Variants in TENM2 observed in about 807,000 individuals in gnomAD.
TENM2 encodes the protein teneurin-2.
A neutral mutation model predicts 245.2 loss-of-function variants in TENM2; 52 were observed. The observed-to-expected ratio is 0.21, with a 90% CI of 0.17 to 0.27. The LOEUF (loss-of-function observed/expected upper bound fraction) is 0.27. Ranked by LOEUF, TENM2 falls within the 10% of genes least tolerant of loss-of-function variation. The probability of loss-of-function intolerance (pLI) is 1.00; values close to 1 mark genes in which losing one functional copy is unlikely to be tolerated. For synonymous variants in TENM2, 1,363 were observed against 1,438.9 expected, an observed-to-expected ratio of 0.95 and a Z score of 1.19; for missense variants, 3,046 against 3,666.8, an observed-to-expected ratio of 0.83 and a Z score of 4.37.
chr5:167,731,266 C>T (rs1271481653), intron 2 of TENM2, among the ~76,000 whole-genome samples: 4 of 148,826 alleles, frequency 2.7e-5, no homozygotes, highest in Admixed American at 6.8e-5. Flanking sequence ...GCGTTTTGAG[C>T]GAGATGGAAG....
intron 2 of TENM2, among the ~76,000 whole-genome samples, chr5:167,527,026 T>C (rs1335195526): frequency 6.6e-6 from 1 of 152,000 alleles, no homozygotes; most frequent in Admixed American, 6.6e-5. Context: ...AAGAATGAAC[T>C]CTCTGGACTA....
In TENM2 at chr5:167,772,621, A is replaced by C. The variant is rs544272430; in HGVS notation, c.503-103365A>C. 1.0e-4 allele frequency among the ~76,000 whole-genome samples: 15 copies of C among 143,910 alleles called. 1 individual carries two copies. The East Asian group carries it at 2.0e-3, about 19-fold the overall frequency. The allele number at this position is 143,910 out of a possible 152,430, so 94.4% of individuals were successfully genotyped here. Reference sequence around the variant, plus strand: ...GAATAAAACACTTACCAAGTATCAGACCCACTTTTTTTTTTTTGCAGTTTA... The same window carrying C: ...GAATAAAACACTTACCAAGTATCAGCCCCACTTTTTTTTTTTTGCAGTTTA... On this transcript the variant is annotated intron_variant, in intron 2 of 28. Transcript: ENST00000518659.
Position 167,927,550 on chromosome 5 carries a change from C to T in TENM2, c.713-25038C>T, listed in dbSNP as rs1288917730. Among the ~76,000 whole-genome samples, 4 of 152,268 alleles carry T rather than the reference C, an allele frequency of 2.6e-5. No homozygotes were observed. In the South Asian group the frequency reaches 6.2e-4, roughly 24 times the overall value. The stretch of plus-strand genomic sequence containing the variant: ...AATCAATCCTTATTTTTATGCCAAT[C>T]CATACAGAAGGCTTCCTTGTGTGTG... On this transcript the variant is annotated intron_variant, in intron 3 of 28. Transcript: ENST00000518659.
intron 2 of TENM2, among the ~76,000 whole-genome samples, chr5:167,494,232 G>C (rs1339776547): frequency 6.6e-6 from 1 of 152,006 alleles, no homozygotes; most frequent in Non-Finnish European, 1.5e-5. Context: ...ATGGAAGACA[G>C]CAACAATAGT....
intron 2 of TENM2, among the ~76,000 whole-genome samples, chr5:167,716,136 A>T (rs1759239352): frequency 2.0e-5 from 3 of 152,080 alleles, no homozygotes; most frequent in Admixed American, 2.0e-4. Context: ...GCCCACATTA[A>T]CTCTGGAGTG....
chr5:167,231,041 G>T, the TENM2 span, among the ~76,000 whole-genome samples: 1 of 152,122 alleles, frequency 6.6e-6, no homozygotes, highest in Non-Finnish European at 1.5e-5. Flanking sequence ...CTCTCCTGCT[G>T]CCCATGAAGA....
chr5:168,058,439 C>T (rs1448487809), intron 6 of TENM2, among the ~76,000 whole-genome samples: 1 of 152,132 alleles, frequency 6.6e-6, no homozygotes, highest in Non-Finnish European at 1.5e-5. Flanking sequence ...AAGTACAATA[C>T]CTAACAACAT....
At chr5:168,107,945 G>C (rs1263035357) in intron 9 of TENM2, among the ~76,000 whole-genome samples, 1 of 152,204 alleles carries the variant, frequency 6.6e-6, no homozygotes, top group Non-Finnish European at 1.5e-5. Context: ...TATCCAGGTG[G>C]TTCTCCTGCT....
rs189756215 is a variant in TENM2, at chr5:168,096,382, G to A, written c.1712-1644G>A. Among the ~76,000 whole-genome samples, 11 of 152,278 alleles carry A rather than the reference G, an allele frequency of 7.2e-5. No individual in the cohort carries two copies. In the East Asian group the frequency reaches 1.7e-3, roughly 24 times the overall value. On this transcript the variant is annotated intron_variant, in intron 8 of 28. Coordinates refer to ENST00000518659, the Ensembl canonical transcript of TENM2. ...GTAGCCACCTGGATGCTTCTCAGCC[G>A]ACATTTACACAGCCAACCTCAAGGA... is the stretch of plus-strand genomic sequence containing the variant.
At chr5:167,539,902 A>G (rs1234027398) in intron 2 of TENM2, among the ~76,000 whole-genome samples, 1 of 152,180 alleles carries the variant, frequency 6.6e-6, no homozygotes, top group East Asian at 1.9e-4. Context: ...TTTCAGCTTC[A>G]AAATGTTTTT....
At chr5:167,807,124 T>TAAAAAAAAAAAAAAAAAAAAAAAAAA (rs1178739925) in intron 2 of TENM2, among the ~76,000 whole-genome samples, 3 of 49,080 alleles carry the variant, frequency 6.1e-5, no homozygotes, top group African/African-American at 1.7e-4. Flanking sequence ...GCCCCTAGGT[T>TAAAAAAAAAAAAAAAAAAAAAAAAAA]AAAAAAAAAA....
At chr5:167,026,896 T>C in the TENM2 span, among the ~76,000 whole-genome samples, 1 of 152,160 alleles carries the variant, frequency 6.6e-6, no homozygotes, top group South Asian at 2.1e-4. Context: ...AATGAGCTAC[T>C]TGAAGCAGAA....
At chr5:167,587,838 C>T (rs751526931) in intron 2 of TENM2, among the ~76,000 whole-genome samples, 3 of 152,140 alleles carry the variant, frequency 2.0e-5, no homozygotes, top group Non-Finnish European at 4.4e-5. Flanking sequence ...AACTATTTTC[C>T]CTTTTTATAT....
In TENM2 at chr5:167,394,663, G is replaced by A. The variant is rs116140153; in HGVS notation, c.502+19190G>A. ...GGCTGGAGCGCAGTGGTGTGATCTC[G>A]GCTTAGGAGGCAACCTCTACCTCCT... On this transcript the variant is annotated intron_variant, in intron 2 of 28. Coordinates refer to ENST00000518659, the Ensembl canonical transcript of TENM2. Among the ~76,000 whole-genome samples, 853 of 151,860 alleles carry A rather than the reference G, an allele frequency of 5.6e-3. 10 individuals carry two copies. The highest frequency in any genetic ancestry group is 0.02 in the African/African-American group (812 of 41,456).
At chr5:167,624,185 C>A (rs1007155168) in intron 2 of TENM2, among the ~76,000 whole-genome samples, 1 of 152,058 alleles carries the variant, frequency 6.6e-6, no homozygotes, top group South Asian at 2.1e-4. Flanking sequence ...CCATCAATGG[C>A]GGATTGGGTA....
chr5:168,158,441 C>A (rs142525446), intron 12 of TENM2, among the ~76,000 whole-genome samples: 28 of 152,100 alleles, frequency 1.8e-4, no homozygotes, highest in Non-Finnish European at 3.4e-4. Flanking sequence ...TGCCTAAAAC[C>A]AGGCCAAGCT....
chr5:168,069,277 A>G, intron 7 of TENM2, among the ~76,000 whole-genome samples: 1 of 152,174 alleles, frequency 6.6e-6, no homozygotes, highest in South Asian at 2.1e-4. Context: ...AAGCTTCCTG[A>G]TAAACGACAG....
the TENM2 span, among the ~76,000 whole-genome samples, chr5:167,025,124 C>T: frequency 2.6e-5 from 4 of 152,030 alleles, no homozygotes; most frequent in African/African-American, 9.7e-5. Context: ...TAATACAAGC[C>T]ACACGTATTT....
chr5:167,248,684 G>A, the TENM2 span, among the ~76,000 whole-genome samples: 2 of 152,032 alleles, frequency 1.3e-5, no homozygotes, highest in Admixed American at 1.3e-4. Flanking sequence ...TTTCAGCATT[G>A]GCGGACTTAG....
Sources: gnomAD v4.1 joint callset for allele counts (sites outside exome capture counted in the v4.1 genomes callset) on GRCh38, gnomAD v4.1.1 for gene constraint, MANE v1.5 for transcripts, NCBI Gene and HGNC (gene_info 2026-07-23, HGNC 2026-07-21) for gene names.